COL22A1: variants seen among roughly 807,000 people sequenced by gnomAD.
COL22A1 encodes collagen type XXII alpha 1 chain, also known as collagen alpha-1(XXII) chain.
In COL22A1, 221 loss-of-function variants were observed where a neutral mutation model predicts 248.9. The ratio of observed to expected loss-of-function variants is 0.89; its 90% CI spans 0.80 to 0.99. The LOEUF is 0.99. COL22A1 is among the 50% of genes least tolerant of loss of function. The pLI is 0.00. For synonymous variants in COL22A1, 891 were observed against 793.4 expected (o/e 1.12, Z -2.07); for missense variants, 2,240 against 2,179.0 (o/e 1.03, Z -0.56).
In COL22A1 at chr8:138,616,962, G is replaced by C. The variant is rs1462550753; in HGVS notation, c.3826-4C>G. On this transcript the variant is annotated splice_region_variant and splice_polypyrimidine_tract_variant and intron_variant, in intron 53 of 64. Transcript: ENST00000303045. ...CGCCTGTGTGTCCCTTGAAGCCCTA[G>C]AAGGAAGAGAATGGAGTTATTCCAT... The C allele has an allele frequency of 6.2e-7, 1 of 1,614,194 alleles. No individual in the cohort carries two copies. Among genetic ancestry groups the C allele is most frequent in the South Asian group, 1.1e-5 (1 of 91,084 alleles).
chr8:138,651,940 G>C (rs1175792410), intron 45 of COL22A1, among the ~76,000 whole-genome samples: 1 of 152,174 alleles, frequency 6.6e-6, no homozygotes, highest in Non-Finnish European at 1.5e-5. Flanking sequence ...CTCTCAACCT[G>C]GGCCTGTTGC....
intron 47 of COL22A1, among the ~76,000 whole-genome samples, chr8:138,642,465 G>A (rs1344301960): frequency 6.6e-6 from 1 of 152,192 alleles, no homozygotes; most frequent in Non-Finnish European, 1.5e-5. Context: ...CATGGTTGGA[G>A]TCACCATCCG....
intron 21 of COL22A1, among the ~76,000 whole-genome samples, chr8:138,753,799 T>C: frequency 6.6e-6 from 1 of 152,186 alleles, no homozygotes; most frequent in East Asian, 1.9e-4. Context: ...AGGTAAAGGG[T>C]GAGGACTACC....
chr8:138,836,249 C>T (rs189024183), intron 4 of COL22A1, among the ~76,000 whole-genome samples: 12 of 151,456 alleles, frequency 7.9e-5, no homozygotes, highest in East Asian at 5.8e-4. Flanking sequence ...CCAGCCTGGG[C>T]GACAGAGAGA....
At chr8:138,681,952 C>T (rs1825994973) in intron 39 of COL22A1, among the ~76,000 whole-genome samples, 1 of 152,150 alleles carries the variant, frequency 6.6e-6, no homozygotes, top group Non-Finnish European at 1.5e-5. Flanking sequence ...CAGAGGTCAC[C>T]TCACCTGCTT....
chr8:138,804,251 C>A (rs1817262662), intron 10 of COL22A1, among the ~76,000 whole-genome samples: 1 of 152,138 alleles, frequency 6.6e-6, no homozygotes, highest in Non-Finnish European at 1.5e-5. Context: ...ACCAGGAACC[C>A]CAGCCTTTGA....
chr8:138,842,115 G>A (rs1323591239), intron 4 of COL22A1, among the ~76,000 whole-genome samples: 1 of 152,210 alleles, frequency 6.6e-6, no homozygotes, highest in Non-Finnish European at 1.5e-5. Flanking sequence ...GGTGGTCTGA[G>A]TGCAAATCCT....
intron 30 of COL22A1, among the ~76,000 whole-genome samples, chr8:138,704,163 AG>A (rs1470934438): frequency 6.6e-6 from 1 of 152,156 alleles, no homozygotes; most frequent in East Asian, 1.9e-4. Context: ...CAGCTTAAGG[AG>A]GCCTGCCTGC....
chr8:138,665,519 G>A (rs1824426421), intron 41 of COL22A1, among the ~76,000 whole-genome samples: 2 of 152,248 alleles, frequency 1.3e-5, no homozygotes, highest in African/African-American at 4.8e-5. Flanking sequence ...GCATCTGGTA[G>A]CTCTAAGTCA....
intron 13 of COL22A1, 126 bp from the exon 14 acceptor site, chr8:138,779,688 C>A: frequency 1.5e-6 from 1 of 660,468 alleles, no homozygotes; most frequent in Non-Finnish European, 2.8e-6. Context: ...AACAAGGTAG[C>A]CACCAGTGAG....
chr8:138,853,584 C>T (rs1821796806), intron 3 of COL22A1, among the ~76,000 whole-genome samples: 3 of 152,256 alleles, frequency 2.0e-5, no homozygotes, highest in South Asian at 4.2e-4. Flanking sequence ...CATGAGAGAG[C>T]ATGTGGACTG....
At chr8:138,671,324 C>G (rs552767325) in intron 41 of COL22A1, among the ~76,000 whole-genome samples, 34 of 152,224 alleles carry the variant, frequency 2.2e-4, no homozygotes, top group African/African-American at 8.2e-4. Context: ...AAACACAGAC[C>G]ATACATGGCA....
At position 138,878,271 on chromosome 8, in the gene COL22A1, G is replaced by A; in HGVS notation, c.137C>T (p.Ser46Phe). 6 of 1,581,514 alleles carry A rather than the reference G, an allele frequency of 3.8e-6. No homozygotes were observed. Among genetic ancestry groups the A allele is most frequent in the Non-Finnish European group, 5.2e-6 (6 of 1,163,496 alleles). ...HYDLVFLLDT[S>F]SSVGKEDFEK... ...AAAGTCCTCCTTGCCCACGCTGGAG[G>A]AGGTGTCCAGGAGGAAGACCAGATC... The change falls in exon 3 of 65, where the codon TCC becomes TTC. Residue 46 changes from serine to phenylalanine, a missense_variant. Coordinates refer to ENST00000303045, the MANE Select transcript of COL22A1 (RefSeq NM_152888.3).
intron 4 of COL22A1, among the ~76,000 whole-genome samples, chr8:138,838,119 G>A (rs1820576807): frequency 6.6e-6 from 1 of 151,880 alleles, no homozygotes; most frequent in South Asian, 2.1e-4. Context: ...CTGGGTTCCT[G>A]TCCCTGTTCT....
intron 23 of COL22A1, among the ~76,000 whole-genome samples, chr8:138,727,660 C>G (rs1830419430): frequency 6.6e-6 from 1 of 152,124 alleles, no homozygotes; most frequent in South Asian, 2.1e-4. Flanking sequence ...AGGCATAGAC[C>G]AGGACCATTT....
intron 55 of COL22A1, among the ~76,000 whole-genome samples, chr8:138,615,484 T>G (rs1204985878): frequency 6.8e-6 from 1 of 146,456 alleles, no homozygotes; most frequent in Non-Finnish European, 1.5e-5. Flanking sequence ...TAAGATGAGA[T>G]CACGCCAATG....
chr8:138,861,774 A>G (rs1822476964), intron 3 of COL22A1, among the ~76,000 whole-genome samples: 1 of 151,980 alleles, frequency 6.6e-6, no homozygotes, highest in African/African-American at 2.4e-5. Flanking sequence ...GTAAAGCAGT[A>G]CTCCTCTCTT....
At chr8:138,812,205 T>A (rs936785678) in intron 8 of COL22A1, among the ~76,000 whole-genome samples, 1 of 152,172 alleles carries the variant, frequency 6.6e-6, no homozygotes, top group African/African-American at 2.4e-5. Context: ...TCCTTCTTCA[T>A]CCCATTCTGT....
intron 1 of COL22A1, among the ~76,000 whole-genome samples, chr8:138,902,739 TACACACACAC>T (rs35023865): frequency 3.2e-5 from 3 of 93,872 alleles, no homozygotes; most frequent in African/African-American, 1.4e-4. Flanking sequence ...TATATATATA[TACACACACAC>T]ACACACACAC....
Sources: allele counts gnomAD v4.1 joint callset (sites outside exome capture counted in the v4.1 genomes callset), GRCh38; gene constraint gnomAD v4.1.1; transcripts MANE v1.5; gene names NCBI Gene and HGNC (gene_info 2026-07-23, HGNC 2026-07-21).